The following ADRA1B variants were observed in gnomAD, a reference collection of about 807,000 sequenced individuals.
The protein encoded by ADRA1B is adrenoceptor alpha 1B.
ADRA1B carries 17 observed loss-of-function variants against 17.9 expected under a neutral mutation model. That is an observed-to-expected ratio of 0.95 (90% CI 0.65 to 1.42). The LOEUF is 1.42. ADRA1B is among the 40% of genes most tolerant of loss of function. The pLI is 0.00. For missense variants in ADRA1B, 681 were observed against 722.1 expected (o/e 0.94, Z 0.65); for synonymous variants, 366 against 327.6 (o/e 1.12, Z -1.27).
At chr5:159,961,495 T>C (rs551199081) in intron 1 of ADRA1B, among the ~76,000 whole-genome samples, 2 of 152,326 alleles carry the variant, frequency 1.3e-5, no homozygotes, top group African/African-American at 4.8e-5. Context: ...TTGAAGGGAA[T>C]TTCCAAATCC....
chr5:159,952,979 GGGGGAT>G (rs1755474705), intron 1 of ADRA1B, among the ~76,000 whole-genome samples: 1 of 152,142 alleles, frequency 6.6e-6, no homozygotes. Flanking sequence ...AGTTACACAG[GGGGGAT>G]GCTATTTCCT....
chr5:159,894,708 G>A (rs986587620), intron 1 of ADRA1B, among the ~76,000 whole-genome samples: 2 of 152,172 alleles, frequency 1.3e-5, no homozygotes, highest in African/African-American at 4.8e-5. Context: ...TCATGCATGA[G>A]GTAGGGATAG....
At chr5:159,921,387 C>A (rs1166791113) in intron 1 of ADRA1B, among the ~76,000 whole-genome samples, 1 of 152,192 alleles carries the variant, frequency 6.6e-6, no homozygotes, top group Admixed American at 6.5e-5. Context: ...CTCCATGAGC[C>A]ATTTGCAAGA....
chr5:159,897,898 A>G (rs966155164), intron 1 of ADRA1B, among the ~76,000 whole-genome samples: 1 of 152,240 alleles, frequency 6.6e-6, no homozygotes, highest in African/African-American at 2.4e-5. Flanking sequence ...GAGTAAGGAC[A>G]AGGGCACTGG....
At chr5:159,943,914 A>T (rs2030371) in intron 1 of ADRA1B, among the ~76,000 whole-genome samples, 6,010 of 68,008 alleles carry the variant, frequency 0.088, 274 homozygotes, top group East Asian at 0.47. Flanking sequence ...TGTCTCTCTC[A>T]CACACACACA....
At chr5:159,973,945 C>G (rs556057702), downstream of ADRA1B, among the ~76,000 whole-genome samples, 1 of 152,224 alleles carries the variant, frequency 6.6e-6, no homozygotes, top group Non-Finnish European at 1.5e-5. Flanking sequence ...CGCTCTTCCC[C>G]CATCCCATCC....
chr5:159,980,067 T>C, the ADRA1B span, among the ~76,000 whole-genome samples: 1 of 151,864 alleles, frequency 6.6e-6, no homozygotes, highest in Non-Finnish European at 1.5e-5. Context: ...AAAGTCGTGT[T>C]TCATGGGGTC....
intron 1 of ADRA1B, among the ~76,000 whole-genome samples, chr5:159,941,585 C>T (rs1376035075): frequency 6.6e-6 from 1 of 152,178 alleles, no homozygotes; most frequent in Non-Finnish European, 1.5e-5. Context: ...CAGATGTTCA[C>T]AGCAGCATTA....
At chr5:159,950,840 T>C in intron 1 of ADRA1B, 1 of 598,656 alleles carries the variant, frequency 1.7e-6, no homozygotes, top group Non-Finnish European at 3.1e-6. Context: ...AGCTTAGAGA[T>C]GACCCCTACC....
the ADRA1B span, among the ~76,000 whole-genome samples, chr5:159,984,030 A>T: frequency 6.6e-6 from 1 of 151,964 alleles, no homozygotes. Context: ...TCTCAGCAAC[A>T]TTTGGTGTGA....
rs72808200 is a variant in ADRA1B at position 159,934,962 on chromosome 5, C to T, written c.949+17108C>T. On this transcript the variant is annotated intron_variant, in intron 1 of 1. Coordinates refer to ENST00000306675, the MANE Select transcript of ADRA1B (RefSeq NM_000679.4). ...ATTGTAGTGAGGAATAAACAAGAAA[C>T]GGATGAAAGGGACTCAGCTGGGTGC... Among the ~76,000 whole-genome samples, 43 of 152,146 alleles carry T rather than the reference C, an allele frequency of 2.8e-4. No individual in the cohort carries two copies. In the East Asian group the frequency reaches 4.1e-3, roughly 14 times the overall value.
At chr5:159,982,785 C>T in the ADRA1B span, among the ~76,000 whole-genome samples, 52 of 152,260 alleles carry the variant, frequency 3.4e-4, no homozygotes, top group Non-Finnish European at 5.7e-4. Flanking sequence ...TCCCTCCCTC[C>T]GCAACACCTC....
At chr5:159,971,771 A>C in intron 1 of ADRA1B, 108 bp from the exon 2 acceptor site, 1 of 1,173,046 alleles carries the variant, frequency 8.5e-7, no homozygotes. Flanking sequence ...GCCTGGCGGC[A>C]GGAACGCTGC....
In ADRA1B at chr5:159,972,247, G is replaced by A. The variant is rs989158397; in HGVS notation, c.1318G>A (p.Glu440Lys). The change falls in exon 2 of 2, where the codon GAG becomes AAG. Residue 440 changes from glutamate to lysine, a missense_variant. Transcript: ENST00000306675. Reference sequence around the variant, plus strand: ...GGGCCGCGGCGCGCCACCGCCAGTCGAGCTGTGCGCCTTCCCCGAGTGGAA... The same window carrying A: ...GGGCCGCGGCGCGCCACCGCCAGTCAAGCTGTGCGCCTTCCCCGAGTGGAA... ...YLGRGAPPPVELCAFPEWKAP... is the reference protein window; with the variant it reads ...YLGRGAPPPVKLCAFPEWKAP... 2.2e-6 allele frequency: 3 copies of A among 1,353,506 alleles called. No homozygotes were observed. The highest frequency in any genetic ancestry group is 2.9e-6 in the Non-Finnish European group (3 of 1,051,344). The allele number at this position is 1,353,506 out of a possible 1,614,324, so 83.8% of individuals were successfully genotyped here.
At chr5:159,878,523 G>A (rs921445793) in intron 1 of ADRA1B, among the ~76,000 whole-genome samples, 8 of 152,304 alleles carry the variant, frequency 5.3e-5, no homozygotes, top group African/African-American at 1.9e-4. Context: ...ATGTGTTATT[G>A]GCTGATAACA....
intron 1 of ADRA1B, among the ~76,000 whole-genome samples, chr5:159,947,347 AAAAAG>A (rs1561604305): frequency 6.6e-6 from 1 of 152,180 alleles, no homozygotes; most frequent in Non-Finnish European, 1.5e-5. Flanking sequence ...ATCTTAAAAA[AAAAAG>A]AAAAGAAAAG....
Position 159,917,579 on chromosome 5 carries a change from G to C in ADRA1B, c.674G>C (p.Arg225Pro), listed in dbSNP as rs756589246. The C allele has an allele frequency of 9.3e-6, 15 of 1,613,878 alleles. No homozygotes were observed. The highest frequency in any genetic ancestry group is 1.2e-5 in the Non-Finnish European group (14 of 1,180,002). The stretch of plus-strand genomic sequence containing the variant: ...GCGGTCATTCTAGTCATGTACTGCC[G>C]TGTCTATATAGTGGCCAAGAGAACC... ...PLAVILVMYC[R>P]VYIVAKRTTK... Residue 225 changes from arginine (R) to proline (P), a missense_variant, in exon 1 of 2, where the codon CGT becomes CCT. Physicochemically the swap from Arg to Pro is moderately radical, Grantham distance 103. Coordinates refer to ENST00000306675, the MANE Select transcript of ADRA1B (RefSeq NM_000679.4).
intron 1 of ADRA1B, chr5:159,950,602 C>T (rs1755408582): frequency 2.0e-6 from 2 of 980,572 alleles, no homozygotes; most frequent in South Asian, 1.3e-5. Context: ...GAGGGCAATG[C>T]CGGCCCCAGC....
intron 1 of ADRA1B, among the ~76,000 whole-genome samples, chr5:159,954,082 G>A (rs924288618): frequency 2.6e-5 from 4 of 152,152 alleles, no homozygotes; most frequent in Admixed American, 2.0e-4. Context: ...GGAGCAAACT[G>A]GGAGGGAAAT....
Sources: gnomAD v4.1 joint callset for allele counts (sites outside exome capture counted in the v4.1 genomes callset) on GRCh38, gnomAD v4.1.1 for gene constraint, MANE v1.5 for transcripts, NCBI Gene and HGNC (gene_info 2026-07-23, HGNC 2026-07-21) for gene names.